The following WFS1 variants were observed in gnomAD, a reference collection of about 807,000 sequenced individuals.
WFS1 encodes wolframin ER transmembrane glycoprotein.
WFS1 carries 90 observed loss-of-function variants against 68.5 expected under a neutral mutation model. The ratio of observed to expected loss-of-function variants is 1.31; its 90% CI spans 1.11 to 1.56. WFS1 has a LOEUF of 1.56. Among genes scored for constraint, WFS1 ranks in the 40% most tolerant of loss-of-function variants. The pLI is 0.00. For missense variants in WFS1, 1,767 were observed against 1,232.6 expected, an observed-to-expected ratio of 1.43 and a Z score of -6.49; for synonymous variants, 860 against 540.7, an observed-to-expected ratio of 1.59 and a Z score of -8.19.
In WFS1 at chr4:6,302,459, G is replaced by A. The variant is rs756116434; in HGVS notation, c.2664G>A (p.Ser888=). 59 of 1,612,580 alleles carry A rather than the reference G, an allele frequency of 3.7e-5. No homozygotes were observed. The highest frequency in any genetic ancestry group is 4.5e-5 in the Non-Finnish European group (53 of 1,180,026). Residue 888 remains serine (S), a synonymous_variant, in exon 8 of 8, where the codon TCG becomes TCA. Transcript: ENST00000226760. ...AFDFFFFPFL[S]AA ...ACTTCTTTTTCTTCCCATTCCTGTC[G>A]GCGGCCTGAGGATGGTCCGCCACGA...
In WFS1 at chr4:6,302,592, G is replaced by T. The variant is rs1299929607; in HGVS notation, c.*124G>T. On this transcript the variant is annotated 3_prime_UTR_variant, in exon 8 of 8. Coordinates refer to ENST00000226760, the MANE Select transcript of WFS1 (RefSeq NM_006005.3). ...CACGTGTGCAGACTGTGGCTGCAGA[G>T]ACCTTGCGACCATGTGTAGATTGCG... 3.6e-6 allele frequency: 5 copies of T among 1,403,870 alleles called. No individual in the cohort carries two copies. The highest frequency in any genetic ancestry group is 3.9e-6 in the Non-Finnish European group (4 of 1,033,628). The allele number at this position is 1,403,870 out of a possible 1,614,324, so 87.0% of individuals were successfully genotyped here. A position where few individuals can be genotyped will look rare whatever the true frequency, so the allele number is the denominator to read the frequency against.
intron 4 of WFS1, 39 bp from the exon 5 acceptor site, chr4:6,291,158 C>A: frequency 6.2e-7 from 1 of 1,607,076 alleles, no homozygotes; most frequent in South Asian, 1.1e-5. Flanking sequence ...AAAGCCTAGG[C>A]AGGGCACACA....
In WFS1 at chr4:6,283,374, A is replaced by G. The variant is rs114800493; in HGVS notation, c.233-3719A>G. Among the ~76,000 whole-genome samples, 728 of 152,338 alleles carry G rather than the reference A, an allele frequency of 4.8e-3. 10 individuals are homozygous for G. The highest frequency in any genetic ancestry group is 0.015 in the African/African-American group (631 of 41,574). On this transcript the variant is annotated intron_variant, in intron 2 of 7. Coordinates refer to ENST00000226760, the MANE Select transcript of WFS1 (RefSeq NM_006005.3). This position sits in a 1 kb window ranked among gnomAD's most constrained non-coding sequence, Gnocchi z 5.0. ...TAGTTGTAAGTGACAAAATCTCAATATAAATTGACACAAGCCAAAAAAGTA... is the reference window on the plus strand; with the variant it reads ...TAGTTGTAAGTGACAAAATCTCAATGTAAATTGACACAAGCCAAAAAAGTA...
In WFS1 at chr4:6,302,386, A is replaced by G; in HGVS notation, c.2591A>G (p.Glu864Gly). 6.2e-7 allele frequency: 1 copy of G among 1,613,070 alleles called. No individual in the cohort carries two copies. The highest frequency in any genetic ancestry group is 8.5e-7 in the Non-Finnish European group (1 of 1,179,962). ...CCCACCAGGCGGCACGTGAAGATCG[A>G]GCACGACTGGCGCAGCACCGTGCAT... ...LSPTRRHVKI[E>G]HDWRSTVHGA... Residue 864 changes from glutamate to glycine, a missense_variant, in exon 8 of 8, where the codon GAG becomes GGG. Coordinates refer to ENST00000226760, the MANE Select transcript of WFS1 (RefSeq NM_006005.3).
chr4:6,289,276 C>G lies in WFS1; in HGVS notation c.460+145C>G, dbSNP rs4689394. On this transcript the variant is annotated intron_variant, in intron 4 of 7. Transcript: ENST00000226760. The stretch of plus-strand genomic sequence containing the variant: ...CAGTTTCTGTTTTGCTGGTGGCCTT[C>G]TCATTTTAGACACTGTTTCTGGACT... 705,401 of 1,118,766 alleles carry G rather than the reference C, an allele frequency of 0.63. 227,151 individuals are homozygous for G. Among genetic ancestry groups the G allele is most frequent in the East Asian group, 0.96 (36,991 of 38,432 alleles). 69.3% of individuals were successfully genotyped at this position (1,118,766 alleles called of 1,614,324 possible). A position where few individuals can be genotyped will look rare whatever the true frequency, so the allele number is the denominator to read the frequency against.
rs1197145471 is a variant in WFS1, at chr4:6,287,818, T to A, written c.315+643T>A. Among the ~76,000 whole-genome samples the A allele has an allele frequency of 1.3e-5, 2 of 152,240 alleles. No individual in the cohort carries two copies. Among genetic ancestry groups the A allele is most frequent in the African/African-American group, 4.8e-5 (2 of 41,470 alleles). ...GAGGCAAGTTCTCACCACCTCACTC[T>A]GTCCCCTTGCACAGGGCTCAAGCAA... On this transcript the variant is annotated intron_variant, in intron 3 of 7. Coordinates refer to ENST00000226760, the MANE Select transcript of WFS1 (RefSeq NM_006005.3). This position sits in a 1 kb window ranked among gnomAD's most constrained non-coding sequence, Gnocchi z 6.4.
At chr4:6,299,299 G>C (rs1434542193) in intron 7 of WFS1, among the ~76,000 whole-genome samples, 1 of 152,236 alleles carries the variant, frequency 6.6e-6, no homozygotes, top group Non-Finnish European at 1.5e-5. Flanking sequence ...TCTTGGCTGT[G>C]GTGAAGGCCA....
rs1729745395 is a variant in WFS1 at position 6,269,861 on chromosome 4, C to G, written c.-159C>G. 1 of 152,254 alleles carries G rather than the reference C, an allele frequency of 6.6e-6. No homozygotes were observed. The highest frequency in any genetic ancestry group is 2.4e-5 in the African/African-American group (1 of 41,468). The allele number at this position is 152,254 out of a possible 1,614,324, so 9.4% of individuals were successfully genotyped here. A position where few individuals can be genotyped will look rare whatever the true frequency, so the allele number is the denominator to read the frequency against. ...TGCCCCGCCCCCTCGTGCAGAAGGCCGCGCTAGCCGGCTCTTCAGCAGCGA... is the reference window on the plus strand; with the variant it reads ...TGCCCCGCCCCCTCGTGCAGAAGGCGGCGCTAGCCGGCTCTTCAGCAGCGA... On this transcript the variant is annotated 5_prime_UTR_variant, in exon 1 of 8. Coordinates refer to ENST00000226760, the MANE Select transcript of WFS1 (RefSeq NM_006005.3).
chr4:6,276,156 A>G (rs769070250), intron 1 of WFS1, among the ~76,000 whole-genome samples: 1 of 152,112 alleles, frequency 6.6e-6, no homozygotes, highest in Non-Finnish European at 1.5e-5. Context: ...GAATCTGAGG[A>G]AAAGTTTCCA....
chr4:6,281,762 C>T (rs897745788), intron 2 of WFS1, among the ~76,000 whole-genome samples: 4 of 152,194 alleles, frequency 2.6e-5, no homozygotes, highest in African/African-American at 7.2e-5. Context: ...GGGCACCCAC[C>T]GTTGATTATT....
intron 6 of WFS1, 79 bp from the exon 7 acceptor site, chr4:6,294,961 TC>T: frequency 6.2e-7 from 1 of 1,608,042 alleles, no homozygotes; most frequent in Non-Finnish European, 8.5e-7. Flanking sequence ...CACGCCACCG[TC>T]CCCAGCCCAT....
chr4:6,278,106 C>A (rs1411812870), intron 2 of WFS1, among the ~76,000 whole-genome samples: 1 of 152,238 alleles, frequency 6.6e-6, no homozygotes, highest in Non-Finnish European at 1.5e-5. Context: ...TTTCCCCTCT[C>A]CCTGAGGGAG....
chr4:6,277,710 C>A, intron 2 of WFS1, 23 bp downstream of exon 2: 1 of 1,549,804 alleles, frequency 6.5e-7, no homozygotes, highest in Non-Finnish European at 8.7e-7. Flanking sequence ...GCTGGGAAGC[C>A]CAGGCTGGGG....
Position 6,287,399 on chromosome 4 carries a change from T to G in WFS1, c.315+224T>G. 1.7e-6 allele frequency: 1 copy of G among 572,164 alleles called. No homozygotes were observed. Among genetic ancestry groups the G allele is most frequent in the Non-Finnish European group, 3.2e-6 (1 of 315,540 alleles). 35.4% of individuals were successfully genotyped at this position (572,164 alleles called of 1,614,324 possible). The stretch of plus-strand genomic sequence containing the variant: ...TCTGGGGAGCAGCGCTCATCCCCCT[T>G]TTGTCCAACTCACACCTCATCTTGG... On this transcript the variant is annotated intron_variant, in intron 3 of 7. Transcript: ENST00000226760. The surrounding 1 kb of genome is among the most constrained non-coding windows in gnomAD (Gnocchi z 6.4).
At chr4:6,291,861 A>G in intron 5 of WFS1, 56 bp from the exon 6 acceptor site, 2 of 1,538,932 alleles carry the variant, frequency 1.3e-6, no homozygotes, top group Non-Finnish European at 1.8e-6. Flanking sequence ...GGTGGGCTGC[A>G]GGGCACGAGG....
At chr4:6,271,009 C>T (rs367596021) in intron 1 of WFS1, among the ~76,000 whole-genome samples, 20 of 152,324 alleles carry the variant, frequency 1.3e-4, no homozygotes, top group African/African-American at 4.8e-4. Flanking sequence ...TGGCATTTGG[C>T]CCAGGGCTTT....
intron 2 of WFS1, among the ~76,000 whole-genome samples, chr4:6,280,327 G>A (rs543466095): frequency 3.4e-4 from 52 of 152,362 alleles, no homozygotes; most frequent in African/African-American, 1.1e-3. Flanking sequence ...GGCAGGGGCC[G>A]TTTCTTCACA....
intron 1 of WFS1, among the ~76,000 whole-genome samples, chr4:6,273,795 A>T (rs552302703): frequency 8.5e-5 from 13 of 152,320 alleles, no homozygotes; most frequent in African/African-American, 3.1e-4. Flanking sequence ...TTTTGAAATA[A>T]CAAGCCCTTT....
intron 6 of WFS1, 174 bp from the exon 7 acceptor site, chr4:6,294,867 C>G: frequency 5.7e-6 from 6 of 1,044,928 alleles, no homozygotes; most frequent in Non-Finnish European, 8.5e-6. Context: ...TTCCTCCTCA[C>G]CCAGCCTGGT....
Sources: allele counts gnomAD v4.1 joint callset (sites outside exome capture counted in the v4.1 genomes callset), GRCh38; gene constraint gnomAD v4.1.1; non-coding constraint Gnocchi (gnomAD v3.1); transcripts MANE v1.5; gene names NCBI Gene and HGNC (gene_info 2026-07-23, HGNC 2026-07-21).